Variants in ANKRD17 observed in about 807,000 individuals in gnomAD.
ANKRD17 encodes ankyrin repeat domain 17, also known as ankyrin repeat domain-containing protein 17.
A neutral mutation model predicts 229.7 loss-of-function variants in ANKRD17; 19 were observed. That is an observed-to-expected ratio of 0.08 (90% CI 0.06 to 0.12). The LOEUF (loss-of-function observed/expected upper bound fraction) is 0.12. Ranked by LOEUF, ANKRD17 falls within the 10% of genes least tolerant of loss-of-function variation. The pLI, the probability that ANKRD17 is intolerant of heterozygous loss-of-function variation, is 1.00. For missense variants in ANKRD17, 2,176 were observed against 3,176.8 expected (o/e 0.68, Z 7.57); for synonymous variants, 1,112 against 1,146.1 (o/e 0.97, Z 0.60).
Position 73,258,634 on chromosome 4 carries a change from G to A in ANKRD17, c.35C>T (p.Thr12Met). Reference sequence around the variant, plus strand: ...GGGGCTCCCTTCTCCTTCTGCAGCCGTCGCCGCCGCCACCGGAACCGTCGC... The same window carrying A: ...GGGGCTCCCTTCTCCTTCTGCAGCCATCGCCGCCGCCACCGGAACCGTCGC... ...EKATVPVAAATAAEGEGSPPA... is the reference protein window; with the variant it reads ...EKATVPVAAAMAAEGEGSPPA... Residue 12 changes from threonine to methionine, a missense_variant, in exon 1 of 34, where the codon ACG becomes ATG. Around this residue, in one of 18 missense-constraint regions of ANKRD17, gnomAD observed 196 missense variants for 190.0 expected, o/e 1.03. Coordinates refer to ENST00000358602, the MANE Select transcript of ANKRD17 (RefSeq NM_032217.5). 2.7e-6 allele frequency: 4 copies of A among 1,487,058 alleles called. No homozygotes were observed. The highest frequency in any genetic ancestry group is 1.3e-5 in the South Asian group (1 of 78,908). The allele number at this position is 1,487,058 out of a possible 1,614,324, so 92.1% of individuals were successfully genotyped here.
At chr4:73,227,249 G>T (rs893133436) in intron 1 of ANKRD17, among the ~76,000 whole-genome samples, 11 of 151,968 alleles carry the variant, frequency 7.2e-5, no homozygotes, top group Non-Finnish European at 1.5e-4. Context: ...TGCCTCCCGG[G>T]TTCAAGTGAT....
At chr4:73,252,696 T>A (rs569509318) in intron 1 of ANKRD17, among the ~76,000 whole-genome samples, 1 of 152,264 alleles carries the variant, frequency 6.6e-6, no homozygotes, top group Non-Finnish European at 1.5e-5. Context: ...TTTTTCAAAT[T>A]AATAAGGAGA....
At chr4:73,189,863 T>C (rs961537839) in intron 1 of ANKRD17, among the ~76,000 whole-genome samples, 56 of 152,134 alleles carry the variant, frequency 3.7e-4, no homozygotes, top group Non-Finnish European at 4.9e-4. Flanking sequence ...GTGTGTGACA[T>C]AGTTCCTGAC....
chr4:73,086,035 A>C (rs189015444), intron 29 of ANKRD17, among the ~76,000 whole-genome samples: 2 of 152,164 alleles, frequency 1.3e-5, no homozygotes, highest in East Asian at 3.9e-4. Context: ...TAAAAGAAAC[A>C]ATTATCACAT....
At chr4:73,197,674 A>T (rs7684507) in intron 1 of ANKRD17, among the ~76,000 whole-genome samples, 4,729 of 150,924 alleles carry the variant, frequency 0.031, 97 homozygotes, top group African/African-American at 0.043. Context: ...TATTAAAAAA[A>T]TTTTTTTTTT....
At chr4:73,233,885 C>T (rs1743285294) in intron 1 of ANKRD17, among the ~76,000 whole-genome samples, 1 of 152,122 alleles carries the variant, frequency 6.6e-6, no homozygotes, top group Non-Finnish European at 1.5e-5. Context: ...TTTTTTCCCT[C>T]TCTCTGGCAA....
intron 2 of ANKRD17, among the ~76,000 whole-genome samples, chr4:73,172,692 T>C (rs959726021): frequency 6.6e-6 from 1 of 152,058 alleles, no homozygotes; most frequent in Non-Finnish European, 1.5e-5. Context: ...AGTCATTGGT[T>C]TTCTTTTACC....
chr4:73,116,928 G>C (rs1726035740), intron 22 of ANKRD17, among the ~76,000 whole-genome samples: 1 of 151,796 alleles, frequency 6.6e-6, no homozygotes, highest in Admixed American at 6.6e-5. Flanking sequence ...AGAAATAATG[G>C]AACAAATACA....
chr4:73,101,090 A>C, intron 25 of ANKRD17: 5 of 852,082 alleles, frequency 5.9e-6, no homozygotes, highest in African/African-American at 5.5e-5. Flanking sequence ...AATGTGCATA[A>C]TTTTTATGCA....
intron 1 of ANKRD17, among the ~76,000 whole-genome samples, chr4:73,245,240 G>A (rs993900551): frequency 6.6e-6 from 1 of 152,152 alleles, no homozygotes; most frequent in Non-Finnish European, 1.5e-5. Flanking sequence ...AAGAAGACAG[G>A]ACAGCAGACA....
At position 73,209,812 on chromosome 4, in the gene ANKRD17, T is replaced by C. The variant is rs532413622; in HGVS notation, c.394-32279A>G. On this transcript the variant is annotated intron_variant, in intron 1 of 33. Transcript: ENST00000358602. ...AAAATGCAAAAGTCAATTAATATAA[T>C]TCATACAATAACAGAACAGTGGAAA... Among the ~76,000 whole-genome samples the C allele has an allele frequency of 5.3e-5, 8 of 152,194 alleles. No homozygotes were observed. The South Asian group carries it at 1.5e-3, about 28-fold the overall frequency.
intron 1 of ANKRD17, among the ~76,000 whole-genome samples, chr4:73,203,963 A>C (rs1422833490): frequency 1.3e-5 from 2 of 152,106 alleles, no homozygotes; most frequent in Admixed American, 1.3e-4. Context: ...GGGGGAAAAA[A>C]CCATCATGTG....
At chr4:73,094,808 G>T (rs966733496) in intron 27 of ANKRD17, among the ~76,000 whole-genome samples, 1 of 151,788 alleles carries the variant, frequency 6.6e-6, no homozygotes, top group African/African-American at 2.4e-5. Flanking sequence ...GACTTCTTGT[G>T]GGCCCCTTTT....
chr4:73,101,146 T>C lies in ANKRD17; in HGVS notation c.4573+1230A>G, dbSNP rs1723929469. The stretch of plus-strand genomic sequence containing the variant: ...AAAGACTTGAGTATCTGAATTTTGG[T>C]ATCCGTGAGGGTCCTGGAAACCATC... On this transcript the variant is annotated intron_variant, in intron 25 of 33. Coordinates refer to ENST00000358602, the MANE Select transcript of ANKRD17 (RefSeq NM_032217.5). 4 of 894,246 alleles carry C rather than the reference T, an allele frequency of 4.5e-6. No homozygotes were observed. The South Asian group carries it at 2.1e-4, about 46-fold the overall frequency. The allele number at this position is 894,246 out of a possible 1,614,324, so 55.4% of individuals were successfully genotyped here.
At chr4:73,246,897 CA>C (rs1744554132) in intron 1 of ANKRD17, among the ~76,000 whole-genome samples, 1 of 151,994 alleles carries the variant, frequency 6.6e-6, no homozygotes, top group Non-Finnish European at 1.5e-5. Context: ...CTTTGAAAAA[CA>C]AAGTACAAAG....
intron 24 of ANKRD17, among the ~76,000 whole-genome samples, chr4:73,109,823 A>C (rs1725085982): frequency 2.0e-5 from 3 of 152,242 alleles, no homozygotes; most frequent in Admixed American, 1.3e-4. Context: ...ATGAAAGGGT[A>C]GTATGACATA....
At chr4:73,169,554 C>A (rs1733698323) in intron 2 of ANKRD17, among the ~76,000 whole-genome samples, 1 of 151,158 alleles carries the variant, frequency 6.6e-6, no homozygotes, top group African/African-American at 2.4e-5. Context: ...GATCTCCCCA[C>A]CCCTCCCCAA....
intron 26 of ANKRD17, among the ~76,000 whole-genome samples, 195 bp downstream of exon 26, chr4:73,097,877 TA>T (rs1723496351): frequency 6.6e-6 from 1 of 152,078 alleles, no homozygotes; most frequent in Non-Finnish European, 1.5e-5. Flanking sequence ...AATTACATAG[TA>T]AAAATAATTT....
At chr4:73,145,449 T>G (rs921182360) in intron 10 of ANKRD17, among the ~76,000 whole-genome samples, 1 of 152,180 alleles carries the variant, frequency 6.6e-6, no homozygotes, top group Non-Finnish European at 1.5e-5. Context: ...GATTACTAAG[T>G]AATCAAGAAC....
Sources: gnomAD v4.1 joint callset for allele counts (sites outside exome capture counted in the v4.1 genomes callset) on GRCh38, gnomAD v4.1.1 for gene constraint, gnomAD v4.1.1 regional missense constraint, MANE v1.5 for transcripts, NCBI Gene and HGNC (gene_info 2026-07-23, HGNC 2026-07-21) for gene names.